Variants in SLC25A21 observed in about 807,000 individuals in gnomAD.
SLC25A21 encodes the protein solute carrier family 25 member 21.
In SLC25A21, 47 loss-of-function variants were observed where a neutral mutation model predicts 43.8. That is an observed-to-expected ratio of 1.07 (90% confidence interval 0.85 to 1.37). SLC25A21 has a LOEUF of 1.37. Ranked by LOEUF, SLC25A21 falls within the 40% of genes most tolerant of loss-of-function variation. SLC25A21 has a pLI of 0.00. For missense variants in SLC25A21, 352 were observed against 350.2 expected (o/e 1.00, Z -0.04); for synonymous variants, 131 against 121.3 (o/e 1.08, Z -0.52).
chr14:36,730,811 C>G (rs1253890865), intron 4 of SLC25A21, among the ~76,000 whole-genome samples: 2 of 152,152 alleles, frequency 1.3e-5, no homozygotes, highest in Non-Finnish European at 2.9e-5. Flanking sequence ...AGAGAAACCT[C>G]TGCCTACTTG....
At chr14:36,922,479 A>G (rs1426639445) in intron 1 of SLC25A21, among the ~76,000 whole-genome samples, 1 of 152,106 alleles carries the variant, frequency 6.6e-6, no homozygotes, top group East Asian at 1.9e-4. Context: ...TGCAGGACAG[A>G]ATAATAGAGA....
chr14:36,689,255 C>T (rs755039760), intron 7 of SLC25A21, among the ~76,000 whole-genome samples: 5 of 152,176 alleles, frequency 3.3e-5, no homozygotes, highest in Admixed American at 1.3e-4. Flanking sequence ...TTCACTATCA[C>T]GAGAACAGCA....
chr14:36,817,007 T>C (rs1443541198), intron 2 of SLC25A21, among the ~76,000 whole-genome samples: 7 of 152,214 alleles, frequency 4.6e-5, no homozygotes, highest in African/African-American at 1.4e-4. Context: ...TTATATATTA[T>C]GAAAGTATTA....
At chr14:37,127,880 A>G (rs940430929) in intron 1 of SLC25A21, among the ~76,000 whole-genome samples, 9 of 152,220 alleles carry the variant, frequency 5.9e-5, no homozygotes, top group African/African-American at 2.2e-4. Context: ...GCTATATCAA[A>G]TTGTCATAAA....
At chr14:36,912,493 C>G (rs1323015772) in intron 1 of SLC25A21, among the ~76,000 whole-genome samples, 1 of 152,158 alleles carries the variant, frequency 6.6e-6, no homozygotes, top group African/African-American at 2.4e-5. Context: ...TGGATTACAA[C>G]AATTACGGTC....
At chr14:36,937,841 T>C (rs1429061891) in intron 1 of SLC25A21, among the ~76,000 whole-genome samples, 1 of 151,740 alleles carries the variant, frequency 6.6e-6, no homozygotes, top group Non-Finnish European at 1.5e-5. Context: ...AAGGAAAGAG[T>C]TTTTTTGTGT....
intron 1 of SLC25A21, among the ~76,000 whole-genome samples, chr14:37,074,003 C>T (rs1230713855): frequency 1.4e-5 from 2 of 141,720 alleles, no homozygotes; most frequent in African/African-American, 6.3e-5. Flanking sequence ...TCCAGAAATT[C>T]ACCTTGTCAA....
intron 2 of SLC25A21, among the ~76,000 whole-genome samples, chr14:36,825,181 C>T (rs996607681): frequency 2.0e-5 from 3 of 152,140 alleles, no homozygotes; most frequent in Admixed American, 6.5e-5. Flanking sequence ...TGTTTAAGTG[C>T]GTACTGAATG....
chr14:36,951,895 T>TA (rs1307313807), intron 1 of SLC25A21, among the ~76,000 whole-genome samples: 1 of 152,146 alleles, frequency 6.6e-6, no homozygotes, highest in Non-Finnish European at 1.5e-5. Context: ...ATGCTTCAGG[T>TA]AGTCTTGCTT....
chr14:36,900,821 A>G (rs1286525921), intron 1 of SLC25A21, among the ~76,000 whole-genome samples: 1 of 152,206 alleles, frequency 6.6e-6, no homozygotes, highest in East Asian at 1.9e-4. Flanking sequence ...TGAAAGATTT[A>G]CATAACAACT....
intron 1 of SLC25A21, among the ~76,000 whole-genome samples, chr14:36,875,744 T>C (rs761246882): frequency 6.6e-6 from 1 of 152,172 alleles, no homozygotes; most frequent in Non-Finnish European, 1.5e-5. Context: ...ATCTTAACCA[T>C]TGCTCAGTGA....
chr14:36,864,391 T>C (rs1010805493), intron 2 of SLC25A21, among the ~76,000 whole-genome samples: 10 of 152,228 alleles, frequency 6.6e-5, no homozygotes, highest in African/African-American at 2.4e-4. Context: ...TTACCCATCT[T>C]GTGCCCTGTT....
At chr14:36,955,873 CT>C (rs1959327412) in intron 1 of SLC25A21, among the ~76,000 whole-genome samples, 2 of 152,178 alleles carry the variant, frequency 1.3e-5, no homozygotes, top group African/African-American at 4.8e-5. Flanking sequence ...AAAGTAGGGA[CT>C]GTTCAAATCC....
chr14:36,745,309 T>C (rs1366205261), intron 3 of SLC25A21, among the ~76,000 whole-genome samples: 2 of 152,178 alleles, frequency 1.3e-5, no homozygotes, highest in Non-Finnish European at 2.9e-5. Flanking sequence ...AACATACGTG[T>C]GCATGTGTCT....
chr14:36,939,819 G>C (rs1288318313), intron 1 of SLC25A21, among the ~76,000 whole-genome samples: 1 of 152,076 alleles, frequency 6.6e-6, no homozygotes, highest in Non-Finnish European at 1.5e-5. Flanking sequence ...AACCACTTGA[G>C]CAAAATCAAA....
At chr14:36,797,227 G>A (rs147446093) in intron 3 of SLC25A21, among the ~76,000 whole-genome samples, 40 of 152,316 alleles carry the variant, frequency 2.6e-4, no homozygotes, top group African/African-American at 8.4e-4. Flanking sequence ...TAATCTCATA[G>A]TTGGATTAAC....
intron 9 of SLC25A21, among the ~76,000 whole-genome samples, chr14:36,683,339 G>A (rs563762070): frequency 2.6e-5 from 4 of 152,256 alleles, no homozygotes; most frequent in East Asian, 3.9e-4. Flanking sequence ...AGCTAGTTAC[G>A]GTGTCACCAC....
chr14:36,983,502 T>C (rs1009080918), intron 1 of SLC25A21, among the ~76,000 whole-genome samples: 2 of 152,028 alleles, frequency 1.3e-5, no homozygotes, highest in Non-Finnish European at 2.9e-5. Context: ...AAACAAAAAA[T>C]ATGTGGAAAA....
intron 3 of SLC25A21, among the ~76,000 whole-genome samples, chr14:36,786,090 C>T (rs1414543065): frequency 1.3e-5 from 2 of 152,192 alleles, no homozygotes; most frequent in African/African-American, 2.4e-5. Context: ...TAAGCAAGAG[C>T]GTGGGCTCTG....
Sources: gnomAD v4.1 joint callset for allele counts (sites outside exome capture counted in the v4.1 genomes callset) on GRCh38, gnomAD v4.1.1 for gene constraint, MANE v1.5 for transcripts, NCBI Gene and HGNC (gene_info 2026-07-23, HGNC 2026-07-21) for gene names.